PAX5: variants seen among roughly 807,000 people sequenced by gnomAD.
PAX5 encodes paired box 5.
A neutral mutation model predicts 43.7 loss-of-function variants in PAX5; 9 were observed. That is an observed-to-expected ratio of 0.21 (90% CI 0.12 to 0.36). The LOEUF (loss-of-function observed/expected upper bound fraction) is 0.36, where lower values mean the gene tolerates loss of function less well. PAX5 is among the 10% of genes least tolerant of loss of function. The pLI is 1.00. For synonymous variants in PAX5, 228 were observed against 214.3 expected, an observed-to-expected ratio of 1.06 and a Z score of -0.56; for missense variants, 383 against 532.7, an observed-to-expected ratio of 0.72 and a Z score of 2.77.
chr9:36,979,368 A>G (rs3780168), intron 5 of PAX5, among the ~76,000 whole-genome samples: 2 of 152,022 alleles, frequency 1.3e-5, no homozygotes, highest in Non-Finnish European at 2.9e-5. Flanking sequence ...ATGGAAGCAC[A>G]ATTATTTCCC....
intron 5 of PAX5, among the ~76,000 whole-genome samples, chr9:36,981,091 TC>T (rs1199100791): frequency 6.6e-6 from 1 of 150,786 alleles, no homozygotes; most frequent in Non-Finnish European, 1.5e-5. Context: ...GGAAACTTCC[TC>T]CCCCAGATAT....
chr9:36,937,165 A>G (rs1831627378), intron 6 of PAX5, among the ~76,000 whole-genome samples: 1 of 152,212 alleles, frequency 6.6e-6, no homozygotes, highest in African/African-American at 2.4e-5. Context: ...AATAACTTGC[A>G]TTGACTGGGT....
chr9:36,965,663 CA>C (rs1427604613), intron 6 of PAX5, among the ~76,000 whole-genome samples: 1 of 152,204 alleles, frequency 6.6e-6, no homozygotes, highest in African/African-American at 2.4e-5. Context: ...AAACTCAGCG[CA>C]GCCAGTTCTC....
At chr9:36,973,890 C>T (rs1028294134) in intron 5 of PAX5, among the ~76,000 whole-genome samples, 3 of 152,162 alleles carry the variant, frequency 2.0e-5, no homozygotes, top group Admixed American at 6.5e-5. Flanking sequence ...CCTGCAGCTA[C>T]TCGGGAGGCT....
intron 7 of PAX5, among the ~76,000 whole-genome samples, chr9:36,903,051 T>G (rs1828538815): frequency 6.6e-6 from 1 of 152,034 alleles, no homozygotes; most frequent in Non-Finnish European, 1.5e-5. Flanking sequence ...TTGGCATCCT[T>G]CCTCCTCTCA....
At chr9:37,018,480 T>G (rs1169223583) in intron 2 of PAX5, among the ~76,000 whole-genome samples, 4 of 147,132 alleles carry the variant, frequency 2.7e-5, no homozygotes, top group Non-Finnish European at 5.9e-5. Context: ...TTGCCTGCCT[T>G]GCCACACACT....
At chr9:36,943,029 G>A (rs532790950) in intron 6 of PAX5, among the ~76,000 whole-genome samples, 13 of 152,164 alleles carry the variant, frequency 8.5e-5, no homozygotes, top group Non-Finnish European at 1.0e-4. Flanking sequence ...CCTACCCAGG[G>A]CCTGCTATGT....
chr9:36,955,799 ATATACC>A (rs1833416559), intron 6 of PAX5, among the ~76,000 whole-genome samples: 2 of 125,074 alleles, frequency 1.6e-5, no homozygotes, highest in Non-Finnish European at 3.4e-5. Context: ...ATATATATAT[ATATACC>A]CACACACACA....
At chr9:36,977,298 C>G (rs1412677407) in intron 5 of PAX5, among the ~76,000 whole-genome samples, 2 of 112,988 alleles carry the variant, frequency 1.8e-5, no homozygotes, top group African/African-American at 7.2e-5. Context: ...GTCACAAGAT[C>G]TAAAGATTGG....
chr9:36,947,836 C>T (rs183356799), intron 6 of PAX5, among the ~76,000 whole-genome samples: 1 of 151,954 alleles, frequency 6.6e-6, no homozygotes, highest in East Asian at 1.9e-4. Context: ...CATATGTCTC[C>T]ATGCTTTTGT....
At chr9:36,853,007 G>A (rs558870248) in intron 8 of PAX5, among the ~76,000 whole-genome samples, 1 of 152,312 alleles carries the variant, frequency 6.6e-6, no homozygotes, top group South Asian at 2.1e-4. Context: ...CAAGCATACA[G>A]CAAAGTTGAA....
rs368844523 is a variant in PAX5 at position 36,913,435 on chromosome 9, A to G, written c.910+9920T>C. ...GGTGGACCCAGCTAAGTCCTTCACC[A>G]GTAGAGAGGTGAGCAGAAGTGGGGA... On this transcript the variant is annotated intron_variant, in intron 7 of 9. Transcript: ENST00000358127. Among the ~76,000 whole-genome samples, 7 of 152,322 alleles carry G rather than the reference A, an allele frequency of 4.6e-5. No individual in the cohort carries two copies. In the South Asian group the frequency reaches 1.0e-3, roughly 23 times the overall value.
At chr9:36,932,194 G>A (rs866948212) in intron 6 of PAX5, among the ~76,000 whole-genome samples, 1 of 152,258 alleles carries the variant, frequency 6.6e-6, no homozygotes, top group African/African-American at 2.4e-5. Flanking sequence ...GATCACTTGA[G>A]CCCAGGAGGT....
chr9:36,909,327 G>C (rs1003462135), intron 7 of PAX5, among the ~76,000 whole-genome samples: 6 of 152,222 alleles, frequency 3.9e-5, no homozygotes, highest in African/African-American at 7.2e-5. Context: ...TGGAGAGAGC[G>C]GATGTCATTG....
At chr9:36,873,300 G>A (rs960327516) in intron 8 of PAX5, among the ~76,000 whole-genome samples, 3 of 152,118 alleles carry the variant, frequency 2.0e-5, no homozygotes, top group Admixed American at 1.3e-4. Context: ...GGGCTGTGTC[G>A]GCAGCTCCAC....
At chr9:36,857,150 A>G (rs747899780) in intron 8 of PAX5, among the ~76,000 whole-genome samples, 3 of 152,206 alleles carry the variant, frequency 2.0e-5, no homozygotes, top group Non-Finnish European at 4.4e-5. Context: ...CCATGGGTCT[A>G]CCTGGAGCAA....
At chr9:36,872,163 A>G (rs1357883164) in intron 8 of PAX5, among the ~76,000 whole-genome samples, 3 of 152,188 alleles carry the variant, frequency 2.0e-5, no homozygotes, top group Admixed American at 6.5e-5. Context: ...CGATCGAGAC[A>G]TGGGAGCAGT....
At chr9:36,915,164 T>G (rs1264689989) in intron 7 of PAX5, among the ~76,000 whole-genome samples, 1 of 152,226 alleles carries the variant, frequency 6.6e-6, no homozygotes, top group Non-Finnish European at 1.5e-5. Flanking sequence ...ACCTATGACA[T>G]AAATTCCTAA....
At chr9:36,929,373 T>G (rs1830945709) in intron 6 of PAX5, among the ~76,000 whole-genome samples, 1 of 152,216 alleles carries the variant, frequency 6.6e-6, no homozygotes, top group Non-Finnish European at 1.5e-5. Flanking sequence ...AACGGCATTC[T>G]ACTTCCATTT....
Sources: allele counts gnomAD v4.1 joint callset (sites outside exome capture counted in the v4.1 genomes callset), GRCh38; gene constraint gnomAD v4.1.1; transcripts MANE v1.5; gene names NCBI Gene and HGNC (gene_info 2026-07-23, HGNC 2026-07-21).